The following BAD variants were observed in gnomAD, a reference collection of about 807,000 sequenced individuals.
BAD encodes the protein bcl2-associated agonist of cell death.
BAD carries 18 observed loss-of-function variants against 17.8 expected under a neutral mutation model. That is an observed-to-expected ratio of 1.01 (90% CI 0.70 to 1.50). The LOEUF (loss-of-function observed/expected upper bound fraction) is 1.50. Ranked by LOEUF, BAD falls within the 40% of genes most tolerant of loss-of-function variation. BAD has a pLI of 0.00. For missense variants in BAD, 294 were observed against 239.3 expected (o/e 1.23, Z -1.51); for synonymous variants, 112 against 91.5 (o/e 1.22, Z -1.28).
Position 64,270,165 on chromosome 11 carries a change from C to T in BAD, c.*44G>A, listed in dbSNP as rs765045279. 2 of 1,613,866 alleles carry T rather than the reference C, an allele frequency of 1.2e-6. No homozygotes were observed. Among genetic ancestry groups the T allele is most frequent in the East Asian group, 2.2e-5 (1 of 44,874 alleles). ...TCCGCCCATATTCAAGATGGCTGCC[C>T]AGGGCAGTGGGAACGGGTGGAGTTT... On this transcript the variant is annotated 3_prime_UTR_variant, in exon 4 of 4. Transcript: ENST00000309032.
Position 64,284,254 on chromosome 11 carries a change from G to T in BAD, c.115C>A (p.Arg39Ser), listed in dbSNP as rs1393713918. Reference protein sequence around the residue: ...DGPSGSGKHHRQAPGLLWDAS... With the variant: ...DGPSGSGKHHSQAPGLLWDAS... ...TCCCACAGGAGGCCTGGGGCCTGGC[G>T]ATGATGCTTGCCGGAGCCTGAGGGC... The change falls in exon 2 of 4, where the codon CGC becomes AGC. Residue 39 changes from arginine to serine, a missense_variant. Arg to Ser is a moderately radical substitution (Grantham distance 110). Transcript: ENST00000309032. 6.2e-7 allele frequency: 1 copy of T among 1,611,118 alleles called. No homozygotes were observed. The highest frequency in any genetic ancestry group is 2.2e-5 in the East Asian group (1 of 44,854).
intron 3 of BAD, 29 bp from the exon 4 acceptor site, chr11:64,270,366 G>C (rs1448666257): frequency 5.3e-6 from 8 of 1,522,574 alleles, no homozygotes; most frequent in Non-Finnish European, 7.1e-6. Flanking sequence ...GGTTACATGA[G>C]TTAGATTACC....
rs2033127608 is a variant in BAD, at chr11:64,277,122, G to A, written c.188-5319C>T. ...CTGAATTGCACACTTAATTAAAACA[G>A]TGGTGTTCCAGACCGTTTGGAGCAG... is the stretch of plus-strand genomic sequence containing the variant. On this transcript the variant is annotated intron_variant, in intron 2 of 3. Coordinates refer to ENST00000309032, the MANE Select transcript of BAD (RefSeq NM_032989.3). 3.4e-5 allele frequency: 22 copies of A among 644,356 alleles called. No individual in the cohort carries two copies. The South Asian group carries it at 3.9e-4, about 11-fold the overall frequency. The allele number at this position is 644,356 out of a possible 1,614,324, so 39.9% of individuals were successfully genotyped here.
chr11:64,271,817 G>C lies in BAD; in HGVS notation c.188-14C>G. The C allele has an allele frequency of 7.2e-7, 1 of 1,383,430 alleles. No homozygotes were observed. The allele number at this position is 1,383,430 out of a possible 1,614,324, so 85.7% of individuals were successfully genotyped here. On this transcript the variant is annotated splice_polypyrimidine_tract_variant and intron_variant, in intron 2 of 3. Transcript: ENST00000309032. ...CAGCCCCAGCGCCTGCAGAGGGTCA[G>C]TGGGTAGGGGGGCGACGTTAATCTC...
chr11:64,273,743 G>A (rs1322263665), intron 2 of BAD, among the ~76,000 whole-genome samples: 1 of 151,690 alleles, frequency 6.6e-6, no homozygotes, highest in Non-Finnish European at 1.5e-5. Flanking sequence ...TTAGCCAGGC[G>A]CGGTGGCAGG....
rs1037475478 is a variant in BAD at position 64,270,315 on chromosome 11, C to G, written c.401G>C (p.Ser134Thr). Reference protein sequence around the residue: ...SFKKGLPRPKSAGTATQMRQS... With the variant: ...SFKKGLPRPKTAGTATQMRQS... ...CCGCATCTGCGTTGCTGTGCCCGCGCTCTTCGGGCGAGGAAGTCCCTTCTG... is the reference window on the plus strand; with the variant it reads ...CCGCATCTGCGTTGCTGTGCCCGCGGTCTTCGGGCGAGGAAGTCCCTTCTG... The change falls in exon 4 of 4, where the codon AGC becomes ACC. Residue 134 changes from serine to threonine, a missense_variant. Transcript: ENST00000309032. 9 of 1,567,240 alleles carry G rather than the reference C, an allele frequency of 5.7e-6. No homozygotes were observed. The highest frequency in any genetic ancestry group is 1.7e-4 in the Middle Eastern group (1 of 5,832).
At chr11:64,279,893 C>T (rs1565349992) in intron 2 of BAD, among the ~76,000 whole-genome samples, 1 of 151,832 alleles carries the variant, frequency 6.6e-6, no homozygotes, top group Admixed American at 6.6e-5. Context: ...AGCCAGATTC[C>T]TTGGTGTTGG....
At chr11:64,272,011 A>G (rs1044524949) in intron 2 of BAD, 2 of 409,482 alleles carry the variant, frequency 4.9e-6, no homozygotes, top group Middle Eastern at 6.2e-4. Context: ...TTAACTTCTC[A>G]TTAATCCCAC....
At chr11:64,283,647 C>T (rs2033633560) in intron 2 of BAD, among the ~76,000 whole-genome samples, 1 of 152,220 alleles carries the variant, frequency 6.6e-6, no homozygotes. Flanking sequence ...AGCATGTAGC[C>T]TGGGGCAGGG....
At chr11:64,283,922 AC>A (rs1388413880) in intron 2 of BAD, among the ~76,000 whole-genome samples, 1 of 152,234 alleles carries the variant, frequency 6.6e-6, no homozygotes, top group Non-Finnish European at 1.5e-5. Context: ...GGTGTGAGCC[AC>A]CACGCCCGGC....
intron 3 of BAD, 72 bp from the exon 4 acceptor site, chr11:64,270,409 G>T (rs1017294920): frequency 6.8e-7 from 1 of 1,474,464 alleles, no homozygotes; most frequent in Non-Finnish European, 9.1e-7. Flanking sequence ...CCACTTCCGT[G>T]AGCCTTCCTC....
At chr11:64,275,139 C>A (rs889771718) in intron 2 of BAD, among the ~76,000 whole-genome samples, 1 of 151,676 alleles carries the variant, frequency 6.6e-6, no homozygotes, top group Non-Finnish European at 1.5e-5. Context: ...GGTGGGGATA[C>A]CTCAAGACCC....
chr11:64,275,105 A>C (rs1488740815), intron 2 of BAD, among the ~76,000 whole-genome samples: 1 of 151,802 alleles, frequency 6.6e-6, no homozygotes, highest in Non-Finnish European at 1.5e-5. Flanking sequence ...AGCATCACCA[A>C]AGCCCAGAGC....
At chr11:64,284,141 G>T in intron 2 of BAD, 41 bp downstream of exon 2, 1 of 1,531,284 alleles carries the variant, frequency 6.5e-7, no homozygotes, top group South Asian at 1.3e-5. Flanking sequence ...AGTGGGCTGG[G>T]GGTGAGGTGT....
chr11:64,282,053 ATCT>A (rs2033513785), intron 2 of BAD, among the ~76,000 whole-genome samples: 1 of 152,044 alleles, frequency 6.6e-6, no homozygotes, highest in Non-Finnish European at 1.5e-5. Context: ...CCCCATACAA[ATCT>A]TCTCACGCAT....
In BAD at chr11:64,284,304, A is replaced by C. The variant is rs2033693172; in HGVS notation, c.65T>G (p.Leu22Arg). 6.2e-7 allele frequency: 1 copy of C among 1,612,368 alleles called. No homozygotes were observed. The highest frequency in any genetic ancestry group is 8.5e-7 in the Non-Finnish European group (1 of 1,179,960). Residue 22 changes from leucine (L) to arginine (R), a missense_variant, in exon 2 of 4, where the codon CTG (leucine) becomes CGG (arginine). Transcript: ENST00000309032. Reference protein sequence around the residue: ...QEDSSSAERGLGPSPAGDGPS... With the variant: ...QEDSSSAERGRGPSPAGDGPS... ...CCCGTCCCCTGCGGGGCTGGGGCCCAGGCCCCTCTCTGCAGAGCTGGAGTC... is the reference window on the plus strand; with the variant it reads ...CCCGTCCCCTGCGGGGCTGGGGCCCCGGCCCCTCTCTGCAGAGCTGGAGTC...
chr11:64,269,915 C>T lies in BAD; in HGVS notation c.*294G>A, dbSNP rs190892320. The T allele has an allele frequency of 1.6e-5, 11 of 704,254 alleles. 1 individual carries two copies. Among genetic ancestry groups the T allele is most frequent in the Middle Eastern group, 3.2e-4 (1 of 3,128 alleles). 43.6% of individuals were successfully genotyped at this position (704,254 alleles called of 1,614,324 possible). A position where few individuals can be genotyped will look rare whatever the true frequency, so the allele number is the denominator to read the frequency against. On this transcript the variant is annotated 3_prime_UTR_variant, in exon 4 of 4. Coordinates refer to ENST00000309032, the MANE Select transcript of BAD (RefSeq NM_032989.3). ...GGGGGCTCGGGTCCCGGTGACGCAA[C>T]GGTTAAACCTGGCTCGCGACTTAGC...
chr11:64,278,163 G>A (rs1474570264), intron 2 of BAD, among the ~76,000 whole-genome samples: 3 of 151,918 alleles, frequency 2.0e-5, no homozygotes, highest in South Asian at 4.1e-4. Flanking sequence ...GCATGGTGGC[G>A]TGCGCCTGTA....
At chr11:64,273,525 G>A (rs999018173) in intron 2 of BAD, among the ~76,000 whole-genome samples, 9 of 152,058 alleles carry the variant, frequency 5.9e-5, no homozygotes, top group Non-Finnish European at 1.3e-4. Flanking sequence ...CCTCTACCCA[G>A]ACCGATAAAG....
Sources: gnomAD v4.1 joint callset for allele counts (sites outside exome capture counted in the v4.1 genomes callset) on GRCh38, gnomAD v4.1.1 for gene constraint, MANE v1.5 for transcripts, NCBI Gene and HGNC (gene_info 2026-07-23, HGNC 2026-07-21) for gene names.